Variants in SPSB4 observed in about 807,000 individuals in gnomAD.
The protein encoded by SPSB4 is splA/ryanodine receptor domain and SOCS box containing 4.
In SPSB4, 21 loss-of-function variants were observed where a neutral mutation model predicts 20.9. The ratio of observed to expected loss-of-function variants is 1.01; its 90% confidence interval spans 0.71 to 1.45. SPSB4 has a LOEUF of 1.45. Among genes scored for constraint, SPSB4 ranks in the 40% most tolerant of loss-of-function variants. The pLI, the probability that SPSB4 is intolerant of heterozygous loss-of-function variation, is 0.00. For synonymous variants in SPSB4, 207 were observed against 183.8 expected (o/e 1.13, Z -1.02); for missense variants, 399 against 399.2 (o/e 1.00, Z 0.00).
intron 1 of SPSB4, among the ~76,000 whole-genome samples, chr3:141,052,752 G>A (rs1044670592): frequency 6.6e-6 from 1 of 152,170 alleles, no homozygotes; most frequent in African/African-American, 2.4e-5. Context: ...AGGGGGTTGG[G>A]AGCTCAGGAA....
At chr3:141,071,174 T>C (rs1476521700) in intron 2 of SPSB4, among the ~76,000 whole-genome samples, 1 of 152,228 alleles carries the variant, frequency 6.6e-6, no homozygotes, top group Non-Finnish European at 1.5e-5. Flanking sequence ...TCGACTGCTG[T>C]GAGGTGTGGG....
intron 1 of SPSB4, among the ~76,000 whole-genome samples, chr3:141,065,275 C>G (rs953746750): frequency 6.6e-6 from 1 of 152,182 alleles, no homozygotes; most frequent in Non-Finnish European, 1.5e-5. Flanking sequence ...GAGCTCTCAC[C>G]CCATCTTCCC....
intron 2 of SPSB4, among the ~76,000 whole-genome samples, chr3:141,098,095 T>C (rs1938571165): frequency 6.6e-6 from 1 of 152,232 alleles, no homozygotes; most frequent in African/African-American, 2.4e-5. Flanking sequence ...AACCAGCAAC[T>C]ATTTGCCAGT....
chr3:141,128,089 G>A (rs188667148), intron 2 of SPSB4, among the ~76,000 whole-genome samples: 12 of 152,296 alleles, frequency 7.9e-5, no homozygotes, highest in Admixed American at 2.6e-4. Context: ...ACGGCCCTGC[G>A]GCCTCCAGGT....
intron 2 of SPSB4, among the ~76,000 whole-genome samples, chr3:141,123,820 A>C (rs1257018074): frequency 6.6e-6 from 1 of 152,114 alleles, no homozygotes; most frequent in Admixed American, 6.5e-5. Flanking sequence ...AGGCACCCCC[A>C]CCTGACACTC....
rs1176846529 is a variant in SPSB4, at chr3:141,066,355, C to G, written c.251C>G (p.Thr84Ser). Reference sequence around the variant, plus strand: ...CACCGGCACCCCGTGGCCCAGAGCACCGACGGCATCCGCGGCAAGGTGGGC... The same window carrying G: ...CACCGGCACCCCGTGGCCCAGAGCAGCGACGGCATCCGCGGCAAGGTGGGC... ...TFHRHPVAQS[T>S]DGIRGKVGHA... Residue 84 changes from threonine to serine, a missense_variant, in exon 2 of 3, where the codon ACC becomes AGC. Thr to Ser is a moderately conservative substitution (Grantham distance 58). Coordinates refer to ENST00000310546, the MANE Select transcript of SPSB4 (RefSeq NM_080862.3). The G allele has an allele frequency of 6.4e-7, 1 of 1,559,114 alleles. No homozygotes were observed. Among genetic ancestry groups the G allele is most frequent in the African/African-American group, 1.4e-5 (1 of 73,316 alleles).
At chr3:141,139,722 C>G (rs1939290215) in intron 2 of SPSB4, among the ~76,000 whole-genome samples, 2 of 152,232 alleles carry the variant, frequency 1.3e-5, no homozygotes. Flanking sequence ...GTCTGATGGG[C>G]TTCCCTTTGT....
chr3:141,093,405 A>C (rs1031782183), intron 2 of SPSB4, among the ~76,000 whole-genome samples: 5 of 152,040 alleles, frequency 3.3e-5, no homozygotes, highest in African/African-American at 1.2e-4. Flanking sequence ...GGGGTCACAT[A>C]ACTTTCCCAA....
intron 2 of SPSB4, among the ~76,000 whole-genome samples, chr3:141,068,099 TCAAG>T (rs1937925492): frequency 6.6e-6 from 1 of 152,200 alleles, no homozygotes; most frequent in African/African-American, 2.4e-5. Flanking sequence ...AAGATTTTAC[TCAAG>T]CAAAATTTAC....
intron 2 of SPSB4, among the ~76,000 whole-genome samples, chr3:141,146,645 G>T (rs1371576945): frequency 6.6e-6 from 1 of 152,030 alleles, no homozygotes; most frequent in East Asian, 1.9e-4. Context: ...CTGGTGGCGG[G>T]TGCCTGTAGT....
At chr3:141,113,769 T>C (rs951909072) in intron 2 of SPSB4, among the ~76,000 whole-genome samples, 2 of 152,240 alleles carry the variant, frequency 1.3e-5, no homozygotes, top group Admixed American at 6.5e-5. Flanking sequence ...ACACTGTGAA[T>C]GTATTAAATG....
intron 2 of SPSB4, among the ~76,000 whole-genome samples, chr3:141,084,370 G>A (rs1938303161): frequency 6.6e-6 from 1 of 152,032 alleles, no homozygotes; most frequent in African/African-American, 2.4e-5. Flanking sequence ...TGCCGCCTGG[G>A]TGGCTGCACT....
intron 2 of SPSB4, among the ~76,000 whole-genome samples, chr3:141,078,549 G>C (rs1559842860): frequency 2.0e-5 from 3 of 152,230 alleles, no homozygotes; most frequent in Non-Finnish European, 1.5e-5. Context: ...GGGACCTGAA[G>C]ATCCTTTCCA....
chr3:141,073,375 T>C (rs905831349), intron 2 of SPSB4, among the ~76,000 whole-genome samples: 2 of 152,222 alleles, frequency 1.3e-5, no homozygotes, highest in African/African-American at 2.4e-5. Flanking sequence ...ATCACGTTAA[T>C]TTTTTCTCTT....
chr3:141,132,213 GC>G (rs1939144484), intron 2 of SPSB4: 1 of 432,562 alleles, frequency 2.3e-6, no homozygotes, highest in Non-Finnish European at 4.6e-6. Flanking sequence ...GGTTGCCCTG[GC>G]CAAAGTGCAG....
intron 2 of SPSB4, chr3:141,132,043 G>A (rs1254265390): frequency 1.6e-5 from 3 of 192,442 alleles, no homozygotes; most frequent in African/African-American, 7.2e-5. Flanking sequence ...TCAACAGGTG[G>A]TTTTTGATTT....
intron 2 of SPSB4, among the ~76,000 whole-genome samples, chr3:141,133,365 G>C (rs928845339): frequency 2.0e-5 from 3 of 152,110 alleles, no homozygotes; most frequent in Non-Finnish European, 2.9e-5. Flanking sequence ...TGAACTTTTT[G>C]CCTAAGCCAA....
rs1249586950 is a variant in SPSB4, at chr3:141,147,216, A to T, written c.769A>T (p.Ile257Phe). 6.2e-7 allele frequency: 1 copy of T among 1,614,116 alleles called. No homozygotes were observed. Among genetic ancestry groups the T allele is most frequent in the Non-Finnish European group, 8.5e-7 (1 of 1,180,046 alleles). Reference protein sequence around the residue: ...SALGRQRLQDISSLPLPQSLK... With the variant: ...SALGRQRLQDFSSLPLPQSLK... ...CCTGGGCCGCCAGCGCCTGCAGGACATCAGCTCCCTGCCCCTGCCTCAGTC... is the reference window on the plus strand; with the variant it reads ...CCTGGGCCGCCAGCGCCTGCAGGACTTCAGCTCCCTGCCCCTGCCTCAGTC... The change falls in exon 3 of 3, where the codon ATC (isoleucine) becomes TTC (phenylalanine). Residue 257 changes from isoleucine (I) to phenylalanine (F), a missense_variant. Coordinates refer to ENST00000310546, the MANE Select transcript of SPSB4 (RefSeq NM_080862.3).
intron 2 of SPSB4, among the ~76,000 whole-genome samples, chr3:141,091,577 G>GTTC (rs1342873394): frequency 4.6e-5 from 7 of 152,198 alleles, no homozygotes; most frequent in African/African-American, 1.7e-4. Flanking sequence ...AGTTCAGAGA[G>GTTC]TGTAAGGGAA....
Sources: gnomAD v4.1 joint callset for allele counts (sites outside exome capture counted in the v4.1 genomes callset) on GRCh38, gnomAD v4.1.1 for gene constraint, MANE v1.5 for transcripts, NCBI Gene and HGNC (gene_info 2026-07-23, HGNC 2026-07-21) for gene names.